The following LUZP2 variants were observed in gnomAD, a reference collection of about 807,000 sequenced individuals.
LUZP2 encodes leucine zipper protein 2.
LUZP2 carries 52 observed loss-of-function variants against 51.6 expected under a neutral mutation model. The observed-to-expected ratio is 1.01, with a 90% CI of 0.81 to 1.27. LUZP2 has a LOEUF of 1.27. Ranked by LOEUF, LUZP2 falls within the 50% of genes most tolerant of loss-of-function variation. The pLI is 0.00. For missense variants in LUZP2, 436 were observed against 395.4 expected (o/e 1.10, Z -0.87); for synonymous variants, 154 against 137.3 (o/e 1.12, Z -0.85).
At chr11:24,892,470 T>A in intron 5 of LUZP2, 1 of 795,026 alleles carries the variant, frequency 1.3e-6, no homozygotes, top group Non-Finnish European at 1.5e-6. Flanking sequence ...CAGAAAAAGT[T>A]AAAATATATT....
rs377508357 is a variant in LUZP2, at chr11:24,620,528, T to A, written c.63-108641T>A. On this transcript the variant is annotated intron_variant, in intron 1 of 11. Transcript: ENST00000336930. ...TAAGTTATTAGCTTCCTACACTGCTTACTTTTTAATGTTGTTCTGTAGATC... is the reference window on the plus strand; with the variant it reads ...TAAGTTATTAGCTTCCTACACTGCTAACTTTTTAATGTTGTTCTGTAGATC... Among the ~76,000 whole-genome samples the A allele has an allele frequency of 1.7e-4, 26 of 152,218 alleles. No homozygotes were observed. In the East Asian group the frequency reaches 4.8e-3, roughly 28 times the overall value.
chr11:24,972,568 G>C (rs1855772290), intron 7 of LUZP2, among the ~76,000 whole-genome samples: 1 of 152,088 alleles, frequency 6.6e-6, no homozygotes, highest in Non-Finnish European at 1.5e-5. Context: ...TATAGTGAAA[G>C]ACAACAATGT....
intron 5 of LUZP2, among the ~76,000 whole-genome samples, chr11:24,866,994 C>T (rs946583296): frequency 5.9e-5 from 9 of 151,982 alleles, no homozygotes; most frequent in Non-Finnish European, 1.3e-4. Flanking sequence ...AAGCTGTTTC[C>T]CAGGAAAGCA....
intron 5 of LUZP2, among the ~76,000 whole-genome samples, chr11:24,771,139 TC>T (rs1312619813): frequency 2.0e-5 from 3 of 152,160 alleles, no homozygotes; most frequent in Non-Finnish European, 2.9e-5. Flanking sequence ...CTTTAATTTT[TC>T]ATGGGAAATA....
chr11:24,866,230 C>T (rs559123645), intron 5 of LUZP2, among the ~76,000 whole-genome samples: 1 of 152,116 alleles, frequency 6.6e-6, no homozygotes, highest in Non-Finnish European at 1.5e-5. Flanking sequence ...GTCCACTTAT[C>T]TCCACTAATA....
chr11:24,698,254 T>G (rs1268440744), intron 1 of LUZP2, among the ~76,000 whole-genome samples: 1 of 152,194 alleles, frequency 6.6e-6, no homozygotes, highest in African/African-American at 2.4e-5. Context: ...AAATTCAGCC[T>G]ACCCTCCAAA....
At chr11:25,010,917 T>C (rs1173105337) in intron 9 of LUZP2, among the ~76,000 whole-genome samples, 1 of 152,116 alleles carries the variant, frequency 6.6e-6, no homozygotes, top group Admixed American at 6.6e-5. Context: ...AAATAATACA[T>C]ATCCAGCAAA....
In LUZP2 at chr11:24,622,454, C is replaced by T. The variant is rs12271232; in HGVS notation, c.63-106715C>T. Among the ~76,000 whole-genome samples the T allele has an allele frequency of 8.6e-3, 1,302 of 152,210 alleles. 11 individuals carry two copies. The highest frequency in any genetic ancestry group is 0.017 in the South Asian group (83 of 4,820). ...TTCAGAGCTCAAGCAGCCTGCTTGC[C>T]TTGGCCGTGGCTTCCCAAAGTGCGG... On this transcript the variant is annotated intron_variant, in intron 1 of 11. Coordinates refer to ENST00000336930, the MANE Select transcript of LUZP2 (RefSeq NM_001009909.4).
chr11:24,738,872 A>C (rs1408050978), intron 4 of LUZP2, among the ~76,000 whole-genome samples: 1 of 152,090 alleles, frequency 6.6e-6, no homozygotes, highest in Non-Finnish European at 1.5e-5. Flanking sequence ...TATTTACCAC[A>C]GGCAGGAGGG....
intron 4 of LUZP2, among the ~76,000 whole-genome samples, chr11:24,754,845 A>T (rs1016283919): frequency 1.3e-5 from 2 of 152,146 alleles, no homozygotes; most frequent in East Asian, 3.9e-4. Flanking sequence ...ACTCTGCATC[A>T]TTTAAAACCA....
chr11:25,041,982 G>A (rs1858076752), intron 9 of LUZP2, among the ~76,000 whole-genome samples: 1 of 152,114 alleles, frequency 6.6e-6, no homozygotes, highest in East Asian at 1.9e-4. Flanking sequence ...ATATGAGGTG[G>A]AACAGTTTCA....
intron 10 of LUZP2, among the ~76,000 whole-genome samples, chr11:25,062,147 G>T (rs1858858575): frequency 6.6e-6 from 1 of 150,966 alleles, no homozygotes. Context: ...GAGAAAGGAA[G>T]GGAAAAAGGG....
chr11:24,778,272 C>A (rs1028955183), intron 5 of LUZP2, among the ~76,000 whole-genome samples: 2 of 151,904 alleles, frequency 1.3e-5, no homozygotes, highest in Non-Finnish European at 2.9e-5. Context: ...AAAAATCAGC[C>A]GGGCATCGTG....
intron 1 of LUZP2, among the ~76,000 whole-genome samples, chr11:24,524,792 C>T (rs548834121): frequency 6.6e-6 from 1 of 151,680 alleles, no homozygotes; most frequent in South Asian, 2.1e-4. Flanking sequence ...AAATTCATTC[C>T]AAATCAATTT....
At chr11:24,687,363 T>G (rs10834431) in intron 1 of LUZP2, among the ~76,000 whole-genome samples, 27,747 of 152,028 alleles carry the variant, frequency 0.18, 2,607 homozygotes, top group East Asian at 0.32. Context: ...TCATTCTTGA[T>G]AAACAAAGTA....
At chr11:24,785,204 A>G (rs190239067) in intron 5 of LUZP2, among the ~76,000 whole-genome samples, 2 of 152,154 alleles carry the variant, frequency 1.3e-5, no homozygotes, top group Admixed American at 1.3e-4. Context: ...ACATATCTAT[A>G]TTGTGGCTTT....
rs138555466 is a variant in LUZP2, at chr11:24,611,602, C to T, written c.62+114297C>T. Among the ~76,000 whole-genome samples the T allele has an allele frequency of 2.7e-4, 41 of 152,134 alleles. No individual in the cohort carries two copies. In the East Asian group the frequency reaches 6.4e-3, roughly 24 times the overall value. Reference sequence around the variant, plus strand: ...TACTGGAAAGTAAAAATGGAACTTACGAGACTATGGAGATGGTTTTCTTCA... The same window carrying T: ...TACTGGAAAGTAAAAATGGAACTTATGAGACTATGGAGATGGTTTTCTTCA... On this transcript the variant is annotated intron_variant, in intron 1 of 11. Transcript: ENST00000336930. The surrounding 1 kb of genome is among the most constrained non-coding windows in gnomAD (Gnocchi z 4.6).
intron 10 of LUZP2, among the ~76,000 whole-genome samples, chr11:25,053,801 G>A (rs1481444549): frequency 6.6e-6 from 1 of 152,094 alleles, no homozygotes; most frequent in South Asian, 2.1e-4. Context: ...TCTCTGTTGA[G>A]TAGGCACCAA....
chr11:24,697,094 G>A (rs889258465), intron 1 of LUZP2, among the ~76,000 whole-genome samples: 2 of 152,120 alleles, frequency 1.3e-5, no homozygotes, highest in African/African-American at 4.8e-5. Flanking sequence ...TCAAGGAAAA[G>A]ACTTTGGATT....
Sources: allele counts gnomAD v4.1 joint callset (sites outside exome capture counted in the v4.1 genomes callset), GRCh38; gene constraint gnomAD v4.1.1; non-coding constraint Gnocchi (gnomAD v3.1); transcripts MANE v1.5; gene names NCBI Gene and HGNC (gene_info 2026-07-23, HGNC 2026-07-21).